Variants in ALK observed in about 807,000 individuals in gnomAD.
The protein encoded by ALK is ALK receptor tyrosine kinase.
In ALK, 74 loss-of-function variants were observed where a neutral mutation model predicts 163.1. The ratio of observed to expected loss-of-function variants is 0.45; its 90% CI spans 0.38 to 0.55. ALK has a LOEUF of 0.55. Among genes scored for constraint, ALK ranks in the 20% least tolerant of loss-of-function variants. ALK has a pLI of 0.00. For missense variants in ALK, 2,063 were observed against 2,105.3 expected, an observed-to-expected ratio of 0.98 and a Z score of 0.39; for synonymous variants, 960 against 843.2, an observed-to-expected ratio of 1.14 and a Z score of -2.40.
chr2:29,463,345 C>G (rs934699240), intron 4 of ALK, among the ~76,000 whole-genome samples: 5 of 152,132 alleles, frequency 3.3e-5, no homozygotes, highest in African/African-American at 9.7e-5. Context: ...CTGCTGTTCA[C>G]AGTAGATATG....
intron 4 of ALK, among the ~76,000 whole-genome samples, chr2:29,499,266 G>A (rs543149964): frequency 5.3e-5 from 8 of 151,872 alleles, no homozygotes; most frequent in East Asian, 3.9e-4. Context: ...GTGTGGTCTC[G>A]GCTCACTGTA....
In ALK at chr2:29,672,628, A is replaced by C. The variant is rs1368410714; in HGVS notation, c.952+22222T>G. Among the ~76,000 whole-genome samples the C allele has an allele frequency of 6.6e-5, 10 of 152,030 alleles. 1 individual carries two copies. In the East Asian group the frequency reaches 1.7e-3, roughly 26 times the overall value. ...TCTTTGCTATTGTGAATAGTGCCAC[A>C]ATAAACATACGTGTGCATGTGTCTT... On this transcript the variant is annotated intron_variant, in intron 3 of 28. Coordinates refer to ENST00000389048, the MANE Select transcript of ALK (RefSeq NM_004304.5).
chr2:29,269,961 T>C (rs1665336969), intron 11 of ALK, among the ~76,000 whole-genome samples: 1 of 152,236 alleles, frequency 6.6e-6, no homozygotes, highest in Non-Finnish European at 1.5e-5. Context: ...TTAGTGAAGA[T>C]GCAGATGTGC....
intron 16 of ALK, among the ~76,000 whole-genome samples, chr2:29,228,464 G>A (rs1287347684): frequency 1.3e-5 from 2 of 152,166 alleles, no homozygotes; most frequent in African/African-American, 2.4e-5. Context: ...GCACAGCGGC[G>A]CCTTTCAGGA....
chr2:29,234,807 C>T (rs1463580276), intron 13 of ALK, among the ~76,000 whole-genome samples: 7 of 152,228 alleles, frequency 4.6e-5, no homozygotes, highest in African/African-American at 9.6e-5. Context: ...TGCAATGGCA[C>T]GACCTTGGCC....
At chr2:29,715,132 T>C (rs1402438039) in intron 2 of ALK, among the ~76,000 whole-genome samples, 1 of 152,234 alleles carries the variant, frequency 6.6e-6, no homozygotes, top group African/African-American at 2.4e-5. Context: ...ATGGTGATGG[T>C]GGTGGTAATG....
intron 1 of ALK, among the ~76,000 whole-genome samples, chr2:29,798,196 T>C (rs1251117149): frequency 1.3e-5 from 2 of 152,202 alleles, no homozygotes; most frequent in Non-Finnish European, 2.9e-5. Context: ...CATCACCATG[T>C]TGGGACTTAT....
In ALK at chr2:29,193,506, T is replaced by G; in HGVS notation, c.4581A>C (p.Pro1527=). ...CCAGCCCCAGGTTACCCCTGTCGTG[T>G]GGCTCCTTCTTTGCTATAGGATTAT... ...KKNNPIAKKE[P]HDRGNLGLEG... Residue 1527 remains proline, a synonymous_variant, in exon 29 of 29, where the codon CCA becomes CCC. Transcript: ENST00000389048. The G allele has an allele frequency of 6.2e-7, 1 of 1,614,206 alleles. No individual in the cohort carries two copies.
At chr2:29,291,732 A>AT (rs565634976) in intron 9 of ALK, among the ~76,000 whole-genome samples, 2 of 152,194 alleles carry the variant, frequency 1.3e-5, no homozygotes, top group African/African-American at 4.8e-5. Flanking sequence ...ATTAAGCAGA[A>AT]TTTTTTTAGG....
chr2:29,657,186 G>T (rs911403205), intron 3 of ALK, among the ~76,000 whole-genome samples: 1 of 152,078 alleles, frequency 6.6e-6, no homozygotes, highest in Non-Finnish European at 1.5e-5. Flanking sequence ...AGGCTAAGGT[G>T]GACAAGAGTG....
intron 3 of ALK, among the ~76,000 whole-genome samples, chr2:29,587,701 G>A (rs537314176): frequency 2.6e-5 from 4 of 152,262 alleles, no homozygotes; most frequent in East Asian, 1.9e-4. Flanking sequence ...ACAAGAGCCC[G>A]GGTGAGGGGA....
chr2:29,705,111 G>T (rs961051438), intron 2 of ALK, among the ~76,000 whole-genome samples: 1 of 150,470 alleles, frequency 6.6e-6, no homozygotes, highest in Admixed American at 6.6e-5. Flanking sequence ...CCAGCTGCTC[G>T]GGAGGCTGAG....
At chr2:29,353,398 T>G (rs1450634444) in intron 5 of ALK, among the ~76,000 whole-genome samples, 1 of 152,186 alleles carries the variant, frequency 6.6e-6, no homozygotes, top group Non-Finnish European at 1.5e-5. Flanking sequence ...CATTTTGCAA[T>G]TACTCCAATT....
intron 9 of ALK, among the ~76,000 whole-genome samples, chr2:29,282,203 C>G (rs893988479): frequency 2.6e-5 from 4 of 152,166 alleles, no homozygotes; most frequent in African/African-American, 9.7e-5. Context: ...CTGGCAGGTA[C>G]TGTAGAGGAA....
In ALK at chr2:29,232,346, T is replaced by G; in HGVS notation, c.2590A>C (p.Asn864His). ...CCGTTTAGCCCTAGAACCGAGGAGTTATTCTCCAGTCTCTCTGGGTGGAAC... is the reference window on the plus strand; with the variant it reads ...CCGTTTAGCCCTAGAACCGAGGAGTGATTCTCCAGTCTCTCTGGGTGGAAC... ...DTFHPERLEN[N>H]SSVLGLNGNS... The change falls in exon 15 of 29, where the codon AAC (asparagine) becomes CAC (histidine). Residue 864 changes from asparagine to histidine, a missense_variant. Asn to His is a moderately conservative substitution (Grantham distance 68). Around this residue, in one of 5 missense-constraint regions of ALK, gnomAD observed 575 missense variants for 626.6 expected, o/e 0.92. Transcript: ENST00000389048. 1.2e-6 allele frequency: 2 copies of G among 1,614,230 alleles called. No homozygotes were observed. Among genetic ancestry groups the G allele is most frequent in the Non-Finnish European group, 1.7e-6 (2 of 1,180,046 alleles).
intron 4 of ALK, among the ~76,000 whole-genome samples, chr2:29,525,248 T>G (rs1672926294): frequency 6.6e-6 from 1 of 152,298 alleles, no homozygotes; most frequent in East Asian, 1.9e-4. Context: ...CACCCATAAG[T>G]GGGAGAAAAA....
chr2:29,687,537 A>G (rs1678274335), intron 3 of ALK, among the ~76,000 whole-genome samples: 1 of 152,156 alleles, frequency 6.6e-6, no homozygotes, highest in Non-Finnish European at 1.5e-5. Flanking sequence ...TTTGTATTAA[A>G]AAAAAAGGAT....
intron 3 of ALK, among the ~76,000 whole-genome samples, chr2:29,547,175 C>T (rs554866855): frequency 1.3e-5 from 2 of 152,350 alleles, no homozygotes; most frequent in Non-Finnish European, 2.9e-5. Context: ...CACTTCAGGT[C>T]TAAACTTCCT....
At chr2:29,535,327 T>C (rs935570106) in intron 3 of ALK, among the ~76,000 whole-genome samples, 4 of 152,342 alleles carry the variant, frequency 2.6e-5, no homozygotes, top group African/African-American at 9.6e-5. Flanking sequence ...ATGATTTTTA[T>C]TTTTACCTCT....
Sources: gnomAD v4.1 joint callset for allele counts (sites outside exome capture counted in the v4.1 genomes callset) on GRCh38, gnomAD v4.1.1 for gene constraint, gnomAD v4.1.1 regional missense constraint, MANE v1.5 for transcripts, NCBI Gene and HGNC (gene_info 2026-07-23, HGNC 2026-07-21) for gene names.